The following ZNRF2 variants were observed in gnomAD, a reference collection of about 807,000 sequenced individuals.
The protein encoded by ZNRF2 is E3 ubiquitin-protein ligase ZNRF2.
ZNRF2 carries 16 observed loss-of-function variants against 20.4 expected under a neutral mutation model. The observed-to-expected ratio is 0.79, with a 90% CI of 0.53 to 1.19. The LOEUF is 1.19. ZNRF2 is among the 50% of genes most tolerant of loss of function. The pLI is 0.00. For missense variants in ZNRF2, 363 were observed against 332.4 expected (o/e 1.09, Z -0.72); for synonymous variants, 178 against 144.9 (o/e 1.23, Z -1.64).
At chr7:30,294,588 G>C (rs565944961) in intron 1 of ZNRF2, among the ~76,000 whole-genome samples, 1 of 152,212 alleles carries the variant, frequency 6.6e-6, no homozygotes. Context: ...TTCGAGACCA[G>C]CCTGGACAAC....
chr7:30,361,318 G>A (rs1583599768), intron 3 of ZNRF2, among the ~76,000 whole-genome samples: 2 of 152,308 alleles, frequency 1.3e-5, no homozygotes, highest in Non-Finnish European at 2.9e-5. Context: ...TCAGATATTT[G>A]AAAGAACCTG....
chr7:30,299,616 T>C (rs1378710157), intron 1 of ZNRF2, among the ~76,000 whole-genome samples: 1 of 152,174 alleles, frequency 6.6e-6, no homozygotes, highest in African/African-American at 2.4e-5. Flanking sequence ...TCCCATTGTC[T>C]TCCCAGATGT....
At chr7:30,304,152 A>C (rs1257788281) in intron 1 of ZNRF2, among the ~76,000 whole-genome samples, 1 of 152,068 alleles carries the variant, frequency 6.6e-6, no homozygotes, top group Non-Finnish European at 1.5e-5. Flanking sequence ...GCTGCTGTTC[A>C]CTTTATCTCT....
intron 2 of ZNRF2, among the ~76,000 whole-genome samples, chr7:30,328,581 G>A (rs1249422934): frequency 1.3e-5 from 2 of 152,146 alleles, no homozygotes; most frequent in African/African-American, 4.8e-5. Flanking sequence ...TCCTGAATTG[G>A]ATGAGTTCCA....
chr7:30,342,335 C>T (rs1023706563), intron 2 of ZNRF2, among the ~76,000 whole-genome samples: 2 of 152,088 alleles, frequency 1.3e-5, no homozygotes, highest in Non-Finnish European at 2.9e-5. Context: ...ATGGTGATTA[C>T]AGTTTGTTAT....
rs1347509978 is a variant in ZNRF2 at position 30,313,688 on chromosome 7, G to A, written c.470-9954G>A. Among the ~76,000 whole-genome samples the A allele has an allele frequency of 4.6e-5, 7 of 151,712 alleles. No individual in the cohort carries two copies. The East Asian group carries it at 5.8e-4, about 13-fold the overall frequency. ...CCCCGAGAATATGGACTAAGTTACCGTTGGCACTGAGGCATCCTCCTATTC... is the reference window on the plus strand; with the variant it reads ...CCCCGAGAATATGGACTAAGTTACCATTGGCACTGAGGCATCCTCCTATTC... On this transcript the variant is annotated intron_variant, in intron 1 of 4. Coordinates refer to ENST00000323037, the MANE Select transcript of ZNRF2 (RefSeq NM_147128.4).
intron 2 of ZNRF2, among the ~76,000 whole-genome samples, chr7:30,331,812 A>G (rs1175485159): frequency 6.6e-6 from 1 of 152,188 alleles, no homozygotes; most frequent in Non-Finnish European, 1.5e-5. Flanking sequence ...AAAAAATAAT[A>G]TTTTACCGTG....
intron 1 of ZNRF2, among the ~76,000 whole-genome samples, chr7:30,297,393 T>C (rs1416302083): frequency 6.6e-6 from 1 of 152,222 alleles, no homozygotes; most frequent in African/African-American, 2.4e-5. Flanking sequence ...TTCTCCATTG[T>C]TTTTAGCCGA....
intron 1 of ZNRF2, among the ~76,000 whole-genome samples, chr7:30,319,423 G>A (rs1246531811): frequency 1.3e-5 from 2 of 152,172 alleles, no homozygotes; most frequent in African/African-American, 4.8e-5. Flanking sequence ...AGTGTTTACA[G>A]GGAAGAAGTC....
chr7:30,323,811 T>C (rs1253644710), intron 2 of ZNRF2, 74 bp downstream of exon 2: 3 of 1,057,108 alleles, frequency 2.8e-6, no homozygotes, highest in Non-Finnish European at 4.0e-6. Context: ...GTTTCAAGTA[T>C]AATTTAAAAG....
chr7:30,285,575 C>CGG lies in ZNRF2; in HGVS notation c.218_219insGG (p.Ala74GlufsTer70). 1 of 997,792 alleles carries CGG rather than the reference C, an allele frequency of 1.0e-6. No individual in the cohort carries two copies. Among genetic ancestry groups the CGG allele is most frequent in the Non-Finnish European group, 1.2e-6 (1 of 839,806 alleles). The allele number at this position is 997,792 out of a possible 1,614,324, so 61.8% of individuals were successfully genotyped here. A position where few individuals can be genotyped will look rare whatever the true frequency, so the allele number is the denominator to read the frequency against. ...GCCGCGGCGGCCGCGGCGGCCCCGG[C>CGG]AGCCCCGGCGGCCCCGCGCAGCCGC... On this transcript the variant is annotated frameshift_variant, in exon 1 of 5. Coordinates refer to ENST00000323037, the MANE Select transcript of ZNRF2 (RefSeq NM_147128.4). LOFTEE classifies it high-confidence loss of function.
chr7:30,330,494 G>A (rs1799620677), intron 2 of ZNRF2, among the ~76,000 whole-genome samples: 1 of 152,144 alleles, frequency 6.6e-6, no homozygotes, highest in Admixed American at 6.6e-5. Context: ...GCAGGTGATT[G>A]TATCAGGCTG....
At chr7:30,338,421 T>TA (rs1799748626) in intron 2 of ZNRF2, among the ~76,000 whole-genome samples, 2 of 20,694 alleles carry the variant, frequency 9.7e-5, no homozygotes, top group African/African-American at 1.9e-4. Flanking sequence ...GTCCCTCCCC[T>TA]AGCCCCCCCC....
chr7:30,317,935 C>T (rs1799403186), intron 1 of ZNRF2, among the ~76,000 whole-genome samples: 1 of 152,202 alleles, frequency 6.6e-6, no homozygotes, highest in African/African-American at 2.4e-5. Context: ...CTCCTGAACC[C>T]ATTCCTCTGT....
intron 2 of ZNRF2, among the ~76,000 whole-genome samples, chr7:30,336,661 T>C (rs1452833747): frequency 1.3e-5 from 2 of 152,104 alleles, no homozygotes; most frequent in African/African-American, 4.8e-5. Flanking sequence ...AAAGATACAT[T>C]ATAATGCAGA....
At chr7:30,304,690 G>A (rs1009903596) in intron 1 of ZNRF2, among the ~76,000 whole-genome samples, 3 of 152,296 alleles carry the variant, frequency 2.0e-5, no homozygotes, top group Admixed American at 2.0e-4. Flanking sequence ...TGTTTGAACA[G>A]CAAGGATAGG....
intron 2 of ZNRF2, among the ~76,000 whole-genome samples, chr7:30,335,894 G>C (rs181095847): frequency 1.1e-3 from 165 of 152,202 alleles, no homozygotes; most frequent in Middle Eastern, 3.4e-3. Flanking sequence ...GTGTTGGAAG[G>C]GGGGAAAGAG....
At chr7:30,327,944 C>T (rs932566966) in intron 2 of ZNRF2, among the ~76,000 whole-genome samples, 1 of 152,116 alleles carries the variant, frequency 6.6e-6, no homozygotes, top group African/African-American at 2.4e-5. Flanking sequence ...GAAGCAAATA[C>T]AGCTTCTTAA....
intron 2 of ZNRF2, among the ~76,000 whole-genome samples, chr7:30,337,886 CAG>C (rs1467845847): frequency 6.6e-6 from 1 of 152,074 alleles, no homozygotes; most frequent in South Asian, 2.1e-4. Context: ...ATCACCTTAA[CAG>C]AGAGGTAGCC....
Sources: gnomAD v4.1 joint callset for allele counts (sites outside exome capture counted in the v4.1 genomes callset) on GRCh38, gnomAD v4.1.1 for gene constraint, MANE v1.5 for transcripts, NCBI Gene and HGNC (gene_info 2026-07-23, HGNC 2026-07-21) for gene names.